Variants in FRMD3 observed in about 807,000 individuals in gnomAD.
FRMD3 encodes FERM domain containing 3.
Under a neutral mutation model 70.2 loss-of-function variants are expected in FRMD3, and 33 were observed. The ratio of observed to expected loss-of-function variants is 0.47; its 90% CI spans 0.36 to 0.63. FRMD3 has a LOEUF of 0.63. Ranked by LOEUF, FRMD3 falls within the 20% of genes least tolerant of loss-of-function variation. The probability of loss-of-function intolerance (pLI) is 0.00; values close to 1 mark genes in which losing one functional copy is unlikely to be tolerated. For missense variants in FRMD3, 632 were observed against 711.4 expected (o/e 0.89, Z 1.27); for synonymous variants, 279 against 255.9 (o/e 1.09, Z -0.86).
intron 1 of FRMD3, among the ~76,000 whole-genome samples, chr9:83,527,628 AT>A (rs1829712770): frequency 6.6e-6 from 1 of 152,140 alleles, no homozygotes. Flanking sequence ...AGAATGTCAA[AT>A]TTCAGGGCCC....
chr9:83,247,793 T>A lies in FRMD3; in HGVS notation c.*125A>T. 6.7e-7 allele frequency: 1 copy of A among 1,496,984 alleles called. No homozygotes were observed. Among genetic ancestry groups the A allele is most frequent in the South Asian group, 1.4e-5 (1 of 70,082 alleles). The allele number at this position is 1,496,984 out of a possible 1,614,324, so 92.7% of individuals were successfully genotyped here. ...ATTATGGAAAGCTAACTTAAAGGTT[T>A]GAATAATCAATTATGAGTAAGGAAC... On this transcript the variant is annotated 3_prime_UTR_variant, in exon 14 of 14. Transcript: ENST00000304195.
At chr9:83,429,830 C>T (rs888186502) in intron 1 of FRMD3, among the ~76,000 whole-genome samples, 5 of 152,074 alleles carry the variant, frequency 3.3e-5, no homozygotes, top group African/African-American at 1.2e-4. Flanking sequence ...CTCATTCAGC[C>T]CCCTGGCTCC....
At chr9:83,535,106 T>G (rs1267418941) in intron 1 of FRMD3, among the ~76,000 whole-genome samples, 1 of 152,186 alleles carries the variant, frequency 6.6e-6, no homozygotes, top group Non-Finnish European at 1.5e-5. Flanking sequence ...GTCACTTAAG[T>G]TATTAGCTTC....
chr9:83,528,644 C>G (rs1192206626), intron 1 of FRMD3, among the ~76,000 whole-genome samples: 1 of 152,112 alleles, frequency 6.6e-6, no homozygotes, highest in Non-Finnish European at 1.5e-5. Flanking sequence ...ATCCTCCCAC[C>G]TCAGCCTCCC....
Position 83,247,336 on chromosome 9 carries a change from T to C in FRMD3, c.*582A>G. ...ATTAAAAAAATTCTGATATACCTTT[T>C]GTGCATTAGTCTTACAATCTGTACA... On this transcript the variant is annotated 3_prime_UTR_variant, in exon 14 of 14. Transcript: ENST00000304195. The C allele has an allele frequency of 2.0e-6, 2 of 984,338 alleles. No homozygotes were observed. The highest frequency in any genetic ancestry group is 2.4e-6 in the Non-Finnish European group (2 of 829,478). The allele number at this position is 984,338 out of a possible 1,614,324, so 61.0% of individuals were successfully genotyped here.
At chr9:83,570,474 C>G in the FRMD3 span, among the ~76,000 whole-genome samples, 2 of 152,190 alleles carry the variant, frequency 1.3e-5, no homozygotes, top group Admixed American at 1.3e-4. Context: ...CAAATTATCA[C>G]ACACTTAGTG....
intron 3 of FRMD3, among the ~76,000 whole-genome samples, chr9:83,357,965 T>G (rs1433347335): frequency 6.6e-6 from 1 of 152,140 alleles, no homozygotes; most frequent in Non-Finnish European, 1.5e-5. Flanking sequence ...TTGTTGCACT[T>G]GCTTTTGGGT....
intron 10 of FRMD3, among the ~76,000 whole-genome samples, chr9:83,300,629 T>G (rs1834876388): frequency 6.6e-6 from 1 of 152,136 alleles, no homozygotes; most frequent in Non-Finnish European, 1.5e-5. Flanking sequence ...AATCTCAGAA[T>G]TTACCACAAT....
At chr9:83,457,432 T>C (rs1014610959) in intron 1 of FRMD3, among the ~76,000 whole-genome samples, 3 of 152,200 alleles carry the variant, frequency 2.0e-5, no homozygotes. Flanking sequence ...CCCATGATTG[T>C]CCTGTCCTTC....
intron 1 of FRMD3, among the ~76,000 whole-genome samples, chr9:83,418,392 T>G (rs1427694687): frequency 6.6e-6 from 1 of 151,898 alleles, no homozygotes; most frequent in African/African-American, 2.4e-5. Flanking sequence ...GAAGGACTAG[T>G]GTCCAGAATC....
In FRMD3 at chr9:83,246,362, G is replaced by A; in HGVS notation, c.*1556C>T. 6.1e-6 allele frequency: 6 copies of A among 983,392 alleles called. No individual in the cohort carries two copies. Among genetic ancestry groups the A allele is most frequent in the Non-Finnish European group, 7.2e-6 (6 of 828,190 alleles). 60.9% of individuals were successfully genotyped at this position (983,392 alleles called of 1,614,324 possible). A position where few individuals can be genotyped will look rare whatever the true frequency, so the allele number is the denominator to read the frequency against. ...GGAAGGCATCAGTACGTTGCTGATG[G>A]TACAATGCTCTAGTACCTTCCTTGA... On this transcript the variant is annotated 3_prime_UTR_variant, in exon 14 of 14. Transcript: ENST00000304195.
the FRMD3 span, among the ~76,000 whole-genome samples, chr9:83,581,715 T>C: frequency 3.3e-5 from 5 of 152,292 alleles, no homozygotes; most frequent in East Asian, 9.6e-4. Flanking sequence ...ACAACCCAAA[T>C]GTTCGTCAGC....
At chr9:83,286,334 CTTTTTT>C (rs35896378) in intron 13 of FRMD3, among the ~76,000 whole-genome samples, 1 of 148,700 alleles carries the variant, frequency 6.7e-6, no homozygotes, top group African/African-American at 2.5e-5. Flanking sequence ...TTAGAGAACA[CTTTTTT>C]TTTTTTTTGA....
intron 3 of FRMD3, among the ~76,000 whole-genome samples, chr9:83,355,764 T>C (rs968195665): frequency 2.6e-5 from 4 of 152,212 alleles, no homozygotes; most frequent in African/African-American, 9.7e-5. Context: ...TGGGGAAGAC[T>C]GAATTGAATT....
chr9:83,452,097 C>G (rs1159746614), intron 1 of FRMD3, among the ~76,000 whole-genome samples: 2 of 152,190 alleles, frequency 1.3e-5, no homozygotes, highest in Non-Finnish European at 2.9e-5. Context: ...AACTTTCCAG[C>G]AGCCATGCTG....
intron 1 of FRMD3, among the ~76,000 whole-genome samples, chr9:83,461,928 C>G (rs1477598669): frequency 6.6e-6 from 1 of 151,976 alleles, no homozygotes; most frequent in Non-Finnish European, 1.5e-5. Context: ...TTCAAGTTAT[C>G]CAACCACCTC....
intron 1 of FRMD3, among the ~76,000 whole-genome samples, chr9:83,414,966 G>A (rs3904185): frequency 0.31 from 47,481 of 152,148 alleles, 7,760 homozygotes; most frequent in African/African-American, 0.4. Context: ...GGAACCACCA[G>A]AGGTGATCAA....
At chr9:83,460,103 GAC>G (rs1201128710) in intron 1 of FRMD3, among the ~76,000 whole-genome samples, 3 of 152,158 alleles carry the variant, frequency 2.0e-5, no homozygotes, top group African/African-American at 7.2e-5. Flanking sequence ...GTTTGCTGGG[GAC>G]ACAAACATCT....
intron 13 of FRMD3, among the ~76,000 whole-genome samples, chr9:83,257,853 A>G (rs904991812): frequency 9.9e-5 from 15 of 152,222 alleles, no homozygotes; most frequent in Non-Finnish European, 1.6e-4. Context: ...ATTGCTTTCA[A>G]ATTTATATAA....
Sources: allele counts gnomAD v4.1 joint callset (sites outside exome capture counted in the v4.1 genomes callset), GRCh38; gene constraint gnomAD v4.1.1; transcripts MANE v1.5; gene names NCBI Gene and HGNC (gene_info 2026-07-23, HGNC 2026-07-21).